The following CFAP46 variants were observed in gnomAD, a reference collection of about 807,000 sequenced individuals.
CFAP46 encodes the protein cilia and flagella associated protein 46, also known as cilia- and flagella-associated protein 46.
In CFAP46, 245 loss-of-function variants were observed where a neutral mutation model predicts 325.7. The ratio of observed to expected loss-of-function variants is 0.75; its 90% CI spans 0.68 to 0.84. The LOEUF (loss-of-function observed/expected upper bound fraction) is 0.84, where lower values mean the gene tolerates loss of function less well. Ranked by LOEUF, CFAP46 falls within the 40% of genes least tolerant of loss-of-function variation. The pLI is 0.00. For synonymous variants in CFAP46, 1,523 were observed against 1,495.9 expected, an observed-to-expected ratio of 1.02 and a Z score of -0.42; for missense variants, 3,346 against 3,543.0, an observed-to-expected ratio of 0.94 and a Z score of 1.41.
At chr10:132,905,450 C>CCTT (rs1459464381) in intron 22 of CFAP46, among the ~76,000 whole-genome samples, 1 of 130,088 alleles carries the variant, frequency 7.7e-6, no homozygotes, top group Non-Finnish European at 1.6e-5. Flanking sequence ...CATATCTTTC[C>CCTT]TTTTTTTTTT....
At chr10:132,895,621 A>T (rs1849307418) in intron 24 of CFAP46, among the ~76,000 whole-genome samples, 1 of 152,080 alleles carries the variant, frequency 6.6e-6, no homozygotes, top group Admixed American at 6.5e-5. Flanking sequence ...AATTCAGAAA[A>T]GTTGCAGGGC....
In CFAP46 at chr10:132,860,787, C is replaced by T. The variant is rs1479173444; in HGVS notation, c.5086G>A (p.Ala1696Thr). Residue 1696 changes from alanine to threonine, a missense_variant, in exon 36 of 58, where the codon GCT becomes ACT. Ala to Thr is a moderately conservative substitution (Grantham distance 58). Transcript: ENST00000368586. Reference protein sequence around the residue: ...LLSMEHSGREATVCHIFQKLI... With the variant: ...LLSMEHSGRETTVCHIFQKLI... The stretch of plus-strand genomic sequence containing the variant: ...CAGGTCCCCGTGCCTCTTACCGTAG[C>T]TTCCCTTCCTGAGTGTTCCATGGAC... 5 of 1,550,792 alleles carry T rather than the reference C, an allele frequency of 3.2e-6. No homozygotes were observed. Among genetic ancestry groups the T allele is most frequent in the Admixed American group, 2.0e-5 (1 of 50,996 alleles).
At position 132,832,864 on chromosome 10, in the gene CFAP46, G is replaced by T. The variant is rs1426329696; in HGVS notation, c.7117+494C>A. The T allele has an allele frequency of 4.3e-6, 2 of 466,936 alleles. No homozygotes were observed. Among genetic ancestry groups the T allele is most frequent in the African/African-American group, 2.0e-5 (1 of 50,018 alleles). The allele number at this position is 466,936 out of a possible 1,614,324, so 28.9% of individuals were successfully genotyped here. ...CATCTGGTCCCCTCCTTTGAAACAGGTATTTGTGGGGGCAAGAACAGCGTT... is the reference window on the plus strand; with the variant it reads ...CATCTGGTCCCCTCCTTTGAAACAGTTATTTGTGGGGGCAAGAACAGCGTT... On this transcript the variant is annotated intron_variant, in intron 50 of 57. Coordinates refer to ENST00000368586, the MANE Select transcript of CFAP46 (RefSeq NM_001200049.3). The surrounding 1 kb of genome is among the most constrained non-coding windows in gnomAD (Gnocchi z 4.1).
At position 132,941,992 on chromosome 10, in the gene CFAP46, C is replaced by T. The variant is rs920269768; in HGVS notation, c.162G>A (p.Glu54=). The change falls in exon 2 of 58, where the codon GAG becomes GAA. Residue 54 remains glutamate, a synonymous_variant. Coordinates refer to ENST00000368586, the MANE Select transcript of CFAP46 (RefSeq NM_001200049.3). ...GGGAACTAGTTACCTTCAGGGCCTG[C>T]TCTGCACACAGAACAAACAGGTCTG... is the stretch of plus-strand genomic sequence containing the variant. ...FSPDLFVLCA[E]QALKMRQPEV... 11 of 1,551,782 alleles carry T rather than the reference C, an allele frequency of 7.1e-6. No individual in the cohort carries two copies. The highest frequency in any genetic ancestry group is 1.4e-5 in the African/African-American group (1 of 73,064).
At chr10:132,867,890 C>T (rs1044307589) in intron 33 of CFAP46, among the ~76,000 whole-genome samples, 49 of 152,328 alleles carry the variant, frequency 3.2e-4, no homozygotes, top group African/African-American at 9.4e-4. Flanking sequence ...GGCCTTCCCA[C>T]GGGGTCTTCA....
Position 132,851,199 on chromosome 10 carries a change from C to G in CFAP46, c.5681G>C (p.Gly1894Ala), listed in dbSNP as rs749632967. 1 of 1,614,106 alleles carries G rather than the reference C, an allele frequency of 6.2e-7. No individual in the cohort carries two copies. The highest frequency in any genetic ancestry group is 1.1e-5 in the South Asian group (1 of 91,088). Residue 1894 changes from glycine to alanine, a missense_variant, in exon 40 of 58, where the codon GGG becomes GCG. By Grantham distance (60) the Gly-to-Ala change is moderately conservative. Transcript: ENST00000368586. Reference protein sequence around the residue: ...MLQFIWEEAHGQQSEQGSLEK... With the variant: ...MLQFIWEEAHAQQSEQGSLEK... The stretch of plus-strand genomic sequence containing the variant: ...CAGGGACCCCTGCTCACTCTGCTGC[C>G]CGTGGGCCTCCTCCCAGATGAACTG...
intron 8 of CFAP46, among the ~76,000 whole-genome samples, chr10:132,933,214 C>T (rs1033230325): frequency 2.0e-5 from 3 of 152,212 alleles, no homozygotes; most frequent in African/African-American, 7.2e-5. Context: ...ACCTCCTCCT[C>T]CCCCTGCTCT....
chr10:132,838,021 C>T (rs1009159573), intron 44 of CFAP46, among the ~76,000 whole-genome samples: 4 of 152,108 alleles, frequency 2.6e-5, no homozygotes, highest in African/African-American at 9.7e-5. Flanking sequence ...GACTCAGAGC[C>T]GTGCCCCCAT....
Position 132,846,114 on chromosome 10 carries a change from G to A in CFAP46, c.6381C>T (p.Asp2127=), listed in dbSNP as rs2135098581. ...GGGCGCCCAGGCTGGTGGTGGTCCTGTCTTGGCACCGGAGCTGGTGCTGTA... is the reference window on the plus strand; with the variant it reads ...GGGCGCCCAGGCTGGTGGTGGTCCTATCTTGGCACCGGAGCTGGTGCTGTA... ...LQLQHQLRCQ[D]RTTTSLGARV... Residue 2127 remains aspartate (D), a synonymous_variant, in exon 44 of 58, where the codon GAC becomes GAT. Transcript: ENST00000368586. 6.2e-7 allele frequency: 1 copy of A among 1,608,846 alleles called. No homozygotes were observed. The highest frequency in any genetic ancestry group is 1.1e-5 in the South Asian group (1 of 90,628).
chr10:132,858,106 C>T (rs117793908), intron 38 of CFAP46, among the ~76,000 whole-genome samples: 5,382 of 152,348 alleles, frequency 0.035, 127 homozygotes, highest in Non-Finnish European at 0.055. Flanking sequence ...TGTACGACAT[C>T]CACAGTAACA....
At chr10:132,837,138 T>C in intron 44 of CFAP46, 1 of 508,526 alleles carries the variant, frequency 2.0e-6, no homozygotes, top group Non-Finnish European at 3.5e-6. Context: ...GGCCCCAAAA[T>C]GTCATTTCTC....
rs1380771750 is a variant in CFAP46, at chr10:132,828,120, C to G, written c.7117+5238G>C. 3.3e-5 allele frequency among the ~76,000 whole-genome samples: 5 copies of G among 152,226 alleles called. No homozygotes were observed. The highest frequency in any genetic ancestry group is 1.2e-4 in the African/African-American group (5 of 41,450). ...GGTGTCCGTCCTGTGGGTGATGGAT[C>G]TTTCTGTGGTTTCCCGGTTTAGGTC... On this transcript the variant is annotated intron_variant, in intron 50 of 57. Coordinates refer to ENST00000368586, the MANE Select transcript of CFAP46 (RefSeq NM_001200049.3). The surrounding 1 kb of genome is among the most constrained non-coding windows in gnomAD (Gnocchi z 4.9).
intron 35 of CFAP46, among the ~76,000 whole-genome samples, chr10:132,864,033 G>A (rs1373162855): frequency 7.2e-6 from 1 of 138,808 alleles, no homozygotes; most frequent in Admixed American, 7.2e-5. Context: ...CCTGCTATTA[G>A]AGACCTGCAC....
chr10:132,916,625 G>T lies in CFAP46; in HGVS notation c.2044C>A (p.Pro682Thr), dbSNP rs555749178. The T allele has an allele frequency of 7.8e-6, 12 of 1,540,770 alleles. No homozygotes were observed. The highest frequency in any genetic ancestry group is 1.1e-5 in the Non-Finnish European group (12 of 1,142,524). ...GVELNDRAIP[P>T]EDLSQHPAGY... ...GCTGGGTGCTGGCTCAGGTCTTCGG[G>T]GGGGATGGCCCGGTCATTCAGCTCT... is the stretch of plus-strand genomic sequence containing the variant. The change falls in exon 17 of 58, where the codon CCC becomes ACC. Residue 682 changes from proline (P) to threonine (T), a missense_variant. Pro to Thr is a conservative substitution (Grantham distance 38). Coordinates refer to ENST00000368586, the MANE Select transcript of CFAP46 (RefSeq NM_001200049.3).
At chr10:132,882,437 G>T (rs138353561) in intron 27 of CFAP46, among the ~76,000 whole-genome samples, 7 of 151,970 alleles carry the variant, frequency 4.6e-5, no homozygotes, top group African/African-American at 1.7e-4. Context: ...GTGTGGGTTT[G>T]TTGTGGATGT....
At chr10:132,860,037 G>A (rs931014161) in intron 37 of CFAP46, among the ~76,000 whole-genome samples, 2 of 152,178 alleles carry the variant, frequency 1.3e-5, no homozygotes, top group South Asian at 2.1e-4. Context: ...CCTGGGCGTC[G>A]ATAAATGGCA....
intron 50 of CFAP46, among the ~76,000 whole-genome samples, chr10:132,823,198 G>A (rs568161459): frequency 7.3e-6 from 1 of 136,180 alleles, no homozygotes; most frequent in African/African-American, 2.8e-5. Context: ...GCTGATGTGT[G>A]CTGTGTGTGT....
At chr10:132,814,658 G>T in intron 52 of CFAP46, 28 bp downstream of exon 52, 2 of 1,583,450 alleles carry the variant, frequency 1.3e-6, no homozygotes, top group Non-Finnish European at 1.7e-6. Flanking sequence ...CGGGGTCTGG[G>T]GCCCCCCCGG....
chr10:132,821,326 GTGC>G (rs1406257292), intron 50 of CFAP46, among the ~76,000 whole-genome samples: 1 of 124,458 alleles, frequency 8.0e-6, no homozygotes, highest in South Asian at 2.6e-4. Context: ...TGCTGTGTGA[GTGC>G]TGATGTGTGC....
Sources: allele counts gnomAD v4.1 joint callset (sites outside exome capture counted in the v4.1 genomes callset), GRCh38; gene constraint gnomAD v4.1.1; non-coding constraint Gnocchi (gnomAD v3.1); transcripts MANE v1.5; gene names NCBI Gene and HGNC (gene_info 2026-07-23, HGNC 2026-07-21).